The following BYSL variants were observed in gnomAD, a reference collection of about 807,000 sequenced individuals.
BYSL encodes bystin.
In BYSL, 21 loss-of-function variants were observed where a neutral mutation model predicts 45.4. The observed-to-expected ratio is 0.46, with a 90% CI of 0.33 to 0.67. The LOEUF (loss-of-function observed/expected upper bound fraction) is 0.67. BYSL is among the 30% of genes least tolerant of loss of function. The pLI is 0.02. For synonymous variants in BYSL, 215 were observed against 231.3 expected, an observed-to-expected ratio of 0.93 and a Z score of 0.64; for missense variants, 522 against 578.5, an observed-to-expected ratio of 0.90 and a Z score of 1.00.
the BYSL span, chr6:41,908,841 T>A: frequency 2.1e-5 from 4 of 191,980 alleles, no homozygotes; most frequent in Admixed American, 5.9e-5. Context: ...AGAGGAAGCA[T>A]AGATGCCTTG....
In BYSL at chr6:41,932,662, G is replaced by A; in HGVS notation, c.1270G>A (p.Ala424Thr). 4.3e-6 allele frequency: 7 copies of A among 1,613,982 alleles called. No homozygotes were observed. Among genetic ancestry groups the A allele is most frequent in the Non-Finnish European group, 5.9e-6 (7 of 1,179,852 alleles). Reference protein sequence around the residue: ...SPEIRRELQSAVPRDVEDVPI... With the variant: ...SPEIRRELQSTVPRDVEDVPI... Reference sequence around the variant, plus strand: ...CGAAATCAGGCGTGAGCTTCAGAGTGCAGTCCCCCGCGATGTGGAAGATGT... The same window carrying A: ...CGAAATCAGGCGTGAGCTTCAGAGTACAGTCCCCCGCGATGTGGAAGATGT... Residue 424 changes from alanine (A) to threonine (T), a missense_variant, in exon 7 of 7, where the codon GCA becomes ACA. Ala to Thr is a moderately conservative substitution (Grantham distance 58). Coordinates refer to ENST00000230340, the MANE Select transcript of BYSL (RefSeq NM_004053.4). This position sits in a 1 kb window ranked among gnomAD's most constrained non-coding sequence, Gnocchi z 4.7.
chr6:41,925,017 G>A (rs765158267), intron 1 of BYSL, among the ~76,000 whole-genome samples: 13 of 152,158 alleles, frequency 8.5e-5, no homozygotes, highest in Non-Finnish European at 1.6e-4. Flanking sequence ...ACTGAGCTGT[G>A]GATGGTTAGC....
rs548699349 is a variant in BYSL at position 41,930,965 on chromosome 6, C to G, written c.704+197C>G. Among the ~76,000 whole-genome samples the G allele has an allele frequency of 6.6e-5, 10 of 152,334 alleles. No individual in the cohort carries two copies. The South Asian group carries it at 1.0e-3, about 16-fold the overall frequency. On this transcript the variant is annotated intron_variant, in intron 4 of 6. Transcript: ENST00000230340. ...CAAGACCCAGTTAGCCAGTTAGGAACCCTCCGTGATGAATTTCTAGGGGAG... is the reference window on the plus strand; with the variant it reads ...CAAGACCCAGTTAGCCAGTTAGGAAGCCTCCGTGATGAATTTCTAGGGGAG...
rs754967674 is a variant in BYSL at position 41,931,554 on chromosome 6, A to G, written c.863A>G (p.Lys288Arg). 5.6e-6 allele frequency: 9 copies of G among 1,614,072 alleles called. No homozygotes were observed. In the Admixed American group the frequency reaches 1.2e-4, roughly 21 times the overall value. Residue 288 changes from lysine to arginine, a missense_variant and splice_region_variant, in exon 5 of 7, where the codon AAA (lysine) becomes AGA (arginine). Lys to Arg is a conservative substitution (Grantham distance 26). Transcript: ENST00000230340. ...CTTTTCAAACCTGGAGCCTGGTTCA[A>G]AGGTGGGATCCCAGAGGCACGGAAG... ...KALFKPGAWF[K>R]GILIPLCESG...
chr6:41,914,993 T>C, the BYSL span, among the ~76,000 whole-genome samples: 1 of 152,174 alleles, frequency 6.6e-6, no homozygotes. Flanking sequence ...AAATGTAGAT[T>C]ATGTGGCCTA....
At chr6:41,913,570 T>C in the BYSL span, among the ~76,000 whole-genome samples, 3 of 152,178 alleles carry the variant, frequency 2.0e-5, no homozygotes, top group Admixed American at 6.6e-5. Context: ...ATAAAAGAGC[T>C]CAGTACAACT....
Position 41,932,101 on chromosome 6 carries a change from G to A in BYSL, c.969-260G>A, listed in dbSNP as rs1370353829. 6.6e-6 allele frequency among the ~76,000 whole-genome samples: 1 copy of A among 152,164 alleles called. No individual in the cohort carries two copies. The highest frequency in any genetic ancestry group is 2.4e-5 in the African/African-American group (1 of 41,438). On this transcript the variant is annotated intron_variant, in intron 6 of 6. Coordinates refer to ENST00000230340, the MANE Select transcript of BYSL (RefSeq NM_004053.4). This position sits in a 1 kb window ranked among gnomAD's most constrained non-coding sequence, Gnocchi z 4.7. The stretch of plus-strand genomic sequence containing the variant: ...AAAGTAGTTAGGGTGGAGACGTTGA[G>A]ATGTTTGGACCATACTCTAGTTGGT...
intron 2 of BYSL, among the ~76,000 whole-genome samples, chr6:41,928,872 G>A (rs1775598594): frequency 1.3e-5 from 2 of 152,120 alleles, no homozygotes; most frequent in Non-Finnish European, 2.9e-5. Flanking sequence ...CTGACTCTAG[G>A]ACTGAAAAGT....
At chr6:41,929,695 C>T (rs760589478) in intron 2 of BYSL, among the ~76,000 whole-genome samples, 7 of 152,142 alleles carry the variant, frequency 4.6e-5, no homozygotes, top group Non-Finnish European at 1.0e-4. Context: ...ACTGACCATT[C>T]CAAGTAATGA....
At chr6:41,928,990 G>T in intron 2 of BYSL, among the ~76,000 whole-genome samples, 1 of 152,160 alleles carries the variant, frequency 6.6e-6, no homozygotes, top group South Asian at 2.1e-4. Flanking sequence ...CTGGAGGGCA[G>T]TGGCATGATC....
Position 41,921,522 on chromosome 6 carries a change from G to GT in BYSL, c.-40dup. ...GCAAGCGCATCCTGGCCTTTCTTCA[G>GT]TCCCCACGTGCGATCCTTCCCGGCA... On this transcript the variant is annotated 5_prime_UTR_variant, in exon 1 of 7. Transcript: ENST00000230340. The GT allele has an allele frequency of 6.5e-7, 1 of 1,532,072 alleles. No individual in the cohort carries two copies. Among genetic ancestry groups the GT allele is most frequent in the Non-Finnish European group, 8.8e-7 (1 of 1,139,514 alleles). The allele number at this position is 1,532,072 out of a possible 1,614,324, so 94.9% of individuals were successfully genotyped here.
At chr6:41,909,987 T>C in the BYSL span, among the ~76,000 whole-genome samples, 2 of 152,142 alleles carry the variant, frequency 1.3e-5, no homozygotes, top group Non-Finnish European at 2.9e-5. Flanking sequence ...CTCCTCCCTC[T>C]TTGAGATCTA....
chr6:41,930,151 A>T lies in BYSL; in HGVS notation c.451A>T (p.Ile151Phe). The change falls in exon 3 of 7, where the codon ATC becomes TTC. Residue 151 changes from isoleucine (I) to phenylalanine (F), a missense_variant. Transcript: ENST00000230340. ...PPARRTLADIIMEKLTEKQTE... is the reference protein window; with the variant it reads ...PPARRTLADIFMEKLTEKQTE... ...TCTTAGGCGCACCCTGGCTGACATC[A>T]TCATGGAGAAGCTGACTGAGAAGCA... is the stretch of plus-strand genomic sequence containing the variant. 6.2e-6 allele frequency: 10 copies of T among 1,614,112 alleles called. No individual in the cohort carries two copies. Among genetic ancestry groups the T allele is most frequent in the Non-Finnish European group, 8.5e-6 (10 of 1,180,006 alleles).
chr6:41,924,199 T>C (rs1371459612), intron 1 of BYSL, among the ~76,000 whole-genome samples: 1 of 151,826 alleles, frequency 6.6e-6, no homozygotes, highest in Non-Finnish European at 1.5e-5. Flanking sequence ...TAGCTGGGAT[T>C]ACAGGCGCCC....
Position 41,921,590 on chromosome 6 carries a change from G to GT in BYSL, c.29dup (p.Gln13SerfsTer88). ...GCCCAAATTCAAGGCGGCCCGTGGG[G>GT]TGGGGGGTCAGGAAAAACATGCGCC... On this transcript the variant is annotated frameshift_variant, in exon 1 of 7. Coordinates refer to ENST00000230340, the MANE Select transcript of BYSL (RefSeq NM_004053.4). LOFTEE classifies it high-confidence loss of function. 6.3e-7 allele frequency: 1 copy of GT among 1,595,908 alleles called. No homozygotes were observed. Among genetic ancestry groups the GT allele is most frequent in the Non-Finnish European group, 8.6e-7 (1 of 1,168,850 alleles).
chr6:41,931,610 C>T (rs1775640932), intron 5 of BYSL, 54 bp downstream of exon 5: 1 of 1,612,542 alleles, frequency 6.2e-7, no homozygotes, highest in African/African-American at 1.3e-5. Flanking sequence ...CTATGGGGAA[C>T]ACAGCAGGCC....
At chr6:41,918,173 T>C (rs1335973413), upstream of BYSL, among the ~76,000 whole-genome samples, 1 of 152,168 alleles carries the variant, frequency 6.6e-6, no homozygotes, top group African/African-American at 2.4e-5. Flanking sequence ...ATCCTCACGA[T>C]AGTCCTATGA....
At chr6:41,929,365 C>T (rs185997687) in intron 2 of BYSL, among the ~76,000 whole-genome samples, 28 of 152,228 alleles carry the variant, frequency 1.8e-4, no homozygotes, top group Non-Finnish European at 3.8e-4. Flanking sequence ...GGGCCTTGTA[C>T]TATGTTCCTG....
Position 41,930,729 on chromosome 6 carries a change from C to T in BYSL, c.665C>T (p.Pro222Leu), listed in dbSNP as rs779566166. Residue 222 changes from proline to leucine, a missense_variant, in exon 4 of 7, where the codon CCG (proline) becomes CTG (leucine). By Grantham distance (98) the Pro-to-Leu change is moderately conservative. Coordinates refer to ENST00000230340, the MANE Select transcript of BYSL (RefSeq NM_004053.4). Reference protein sequence around the residue: ...NWEQILYVTEPEAWTAAAMYQ... With the variant: ...NWEQILYVTELEAWTAAAMYQ... Reference sequence around the variant, plus strand: ...GAGCAAATCCTCTACGTCACAGAGCCGGAGGCCTGGACTGCAGCTGCCATG... The same window carrying T: ...GAGCAAATCCTCTACGTCACAGAGCTGGAGGCCTGGACTGCAGCTGCCATG... The T allele has an allele frequency of 4.3e-6, 7 of 1,613,904 alleles. No individual in the cohort carries two copies. Among genetic ancestry groups the T allele is most frequent in the African/African-American group, 4.0e-5 (3 of 74,932 alleles).
Sources: allele counts gnomAD v4.1 joint callset (sites outside exome capture counted in the v4.1 genomes callset), GRCh38; gene constraint gnomAD v4.1.1; non-coding constraint Gnocchi (gnomAD v3.1); transcripts MANE v1.5; gene names NCBI Gene and HGNC (gene_info 2026-07-23, HGNC 2026-07-21).